PTPRN2: variants seen among roughly 807,000 people sequenced by gnomAD.
PTPRN2 encodes the protein protein tyrosine phosphatase receptor type N2, also known as receptor-type tyrosine-protein phosphatase N2.
PTPRN2 carries 74 observed loss-of-function variants against 118.8 expected under a neutral mutation model. That is an observed-to-expected ratio of 0.62 (90% CI 0.52 to 0.76). The LOEUF (loss-of-function observed/expected upper bound fraction) is 0.76, where lower values mean the gene tolerates loss of function less well. PTPRN2 is among the 30% of genes least tolerant of loss of function. The pLI, the probability that PTPRN2 is intolerant of heterozygous loss-of-function variation, is 0.00. For missense variants in PTPRN2, 1,481 were observed against 1,394.4 expected (o/e 1.06, Z -0.99); for synonymous variants, 641 against 608.0 (o/e 1.05, Z -0.80).
rs567329334 is a variant in PTPRN2 at position 158,471,279 on chromosome 7, C to G, written c.163+18456G>C. Among the ~76,000 whole-genome samples, 47 of 152,274 alleles carry G rather than the reference C, an allele frequency of 3.1e-4. 1 individual carries two copies. The highest frequency in any genetic ancestry group is 1.1e-3 in the African/African-American group (46 of 41,564). The stretch of plus-strand genomic sequence containing the variant: ...GAGCCAGCTCCCCTCCCGCCTCCCC[C>G]TCCTATGGACCACGCCCACTGGACT... On this transcript the variant is annotated intron_variant, in intron 2 of 22. Coordinates refer to ENST00000389418, the MANE Select transcript of PTPRN2 (RefSeq NM_002847.5).
intron 10 of PTPRN2, 98 bp from the exon 11 acceptor site, chr7:158,081,475 G>T: frequency 4.1e-6 from 5 of 1,205,388 alleles, no homozygotes; most frequent in Non-Finnish European, 6.1e-6. Context: ...TTTTAAAAAC[G>T]CAAACATCCA....
chr7:157,966,399 T>C (rs924264036), intron 11 of PTPRN2, among the ~76,000 whole-genome samples: 6 of 151,832 alleles, frequency 4.0e-5, no homozygotes, highest in African/African-American at 1.5e-4. Flanking sequence ...TTCATCACTA[T>C]CACCATCATC....
chr7:157,656,611 G>A (rs975610478), intron 13 of PTPRN2, 60 bp from the exon 14 acceptor site: 22 of 1,408,780 alleles, frequency 1.6e-5, no homozygotes, highest in Admixed American at 2.0e-5. Context: ...CCAGCAGGAC[G>A]AGGGCCACGG....
At position 158,138,549 on chromosome 7, in the gene PTPRN2, G is replaced by A. The variant is rs764017286; in HGVS notation, c.911-34C>T. ...ACACACACAAACACAAGGACGTTGTGGGTGGACGAATGCAAAGGTGAGGGC... is the reference window on the plus strand; with the variant it reads ...ACACACACAAACACAAGGACGTTGTAGGTGGACGAATGCAAAGGTGAGGGC... On this transcript the variant is annotated intron_variant, in intron 6 of 22. Transcript: ENST00000389418. The A allele has an allele frequency of 1.2e-5, 19 of 1,590,226 alleles. No individual in the cohort carries two copies. In the Admixed American group the frequency reaches 3.0e-4, roughly 25 times the overall value.
intron 11 of PTPRN2, among the ~76,000 whole-genome samples, chr7:158,054,007 C>A (rs1408484095): frequency 1.4e-5 from 2 of 146,840 alleles, no homozygotes; most frequent in Non-Finnish European, 3.1e-5. Flanking sequence ...GATGCAGAGA[C>A]CCTAGAGACG....
chr7:158,523,665 G>C (rs1305101974), intron 1 of PTPRN2, among the ~76,000 whole-genome samples: 1 of 101,928 alleles, frequency 9.8e-6, no homozygotes, highest in African/African-American at 3.5e-5. Flanking sequence ...GAGTGGAGTC[G>C]TCTGCCCTGG....
intron 1 of PTPRN2, among the ~76,000 whole-genome samples, chr7:158,499,735 C>A (rs1052744357): frequency 6.6e-5 from 10 of 152,024 alleles, no homozygotes; most frequent in Non-Finnish European, 1.3e-4. Flanking sequence ...TGTGCCACTG[C>A]ACTCCAGCCT....
intron 3 of PTPRN2, among the ~76,000 whole-genome samples, chr7:158,242,682 A>T (rs547141699): frequency 6.6e-6 from 1 of 152,280 alleles, no homozygotes; most frequent in East Asian, 1.9e-4. Flanking sequence ...TTTGGCTGAG[A>T]CATTTTATTA....
intron 12 of PTPRN2, among the ~76,000 whole-genome samples, chr7:157,743,887 T>C (rs1800774248): frequency 2.0e-5 from 3 of 152,226 alleles, no homozygotes; most frequent in African/African-American, 7.2e-5. Flanking sequence ...GCTGTGAAAG[T>C]GCTGCCCCAT....
rs1206905688 is a variant in PTPRN2 at position 158,356,786 on chromosome 7, C to CT, written c.164-39855dup. On this transcript the variant is annotated intron_variant, in intron 2 of 22. Coordinates refer to ENST00000389418, the MANE Select transcript of PTPRN2 (RefSeq NM_002847.5). ...ATAACAAAGCAAAAGGTGAAAAGAG[C>CT]TAAAAAAAAAAAAGTAGAAATAATT... is the stretch of plus-strand genomic sequence containing the variant. Among the ~76,000 whole-genome samples the CT allele has an allele frequency of 3.0e-3, 52 of 17,388 alleles. No individual in the cohort carries two copies. In the South Asian group the frequency reaches 0.078, roughly 26 times the overall value. The allele number at this position is 17,388 out of a possible 152,430, so 11.4% of individuals were successfully genotyped here.
chr7:158,047,479 GTGTGAGGCCTGCCTGCAGTCACTGAGCA>G (rs1467076852), intron 11 of PTPRN2, among the ~76,000 whole-genome samples: 4 of 152,078 alleles, frequency 2.6e-5, no homozygotes, highest in South Asian at 2.1e-4. Flanking sequence ...GTCACTGAGC[GTGTGAGGCCTGCCTGCAGTCACTGAGCA>G]TGTGAGGGCT....
At chr7:158,051,529 C>T (rs1809324626) in intron 11 of PTPRN2, among the ~76,000 whole-genome samples, 1 of 152,300 alleles carries the variant, frequency 6.6e-6, no homozygotes, top group African/African-American at 2.4e-5. Flanking sequence ...CAAAAGCAGG[C>T]CTTTTGCAGT....
rs948117547 is a variant in PTPRN2 at position 158,509,235 on chromosome 7, G to A, written c.113-19450C>T. On this transcript the variant is annotated intron_variant, in intron 1 of 22. Transcript: ENST00000389418. This position sits in a 1 kb window ranked among gnomAD's most constrained non-coding sequence, Gnocchi z 4.4. Reference sequence around the variant, plus strand: ...GCAGCTCACAGGGTCCTTGCTCAAAGGCGGCAGCAAATGCACCATCCACTT... The same window carrying A: ...GCAGCTCACAGGGTCCTTGCTCAAAAGCGGCAGCAAATGCACCATCCACTT... Among the ~76,000 whole-genome samples, 25 of 152,190 alleles carry A rather than the reference G, an allele frequency of 1.6e-4. 1 individual carries two copies. The highest frequency in any genetic ancestry group is 2.6e-4 in the Admixed American group (4 of 15,286).
intron 3 of PTPRN2, among the ~76,000 whole-genome samples, chr7:158,238,548 C>G (rs1425303688): frequency 2.6e-5 from 4 of 152,152 alleles, no homozygotes; most frequent in African/African-American, 9.7e-5. Context: ...TTTGTTGGAA[C>G]TTATTTTATT....
At chr7:157,924,342 C>A (rs377319266) in intron 11 of PTPRN2, among the ~76,000 whole-genome samples, 1 of 152,214 alleles carries the variant, frequency 6.6e-6, no homozygotes, top group Non-Finnish European at 1.5e-5. Context: ...GCTGAGGACG[C>A]CCCCTCTGAC....
At chr7:158,044,375 C>T (rs1808688577) in intron 11 of PTPRN2, among the ~76,000 whole-genome samples, 1 of 152,142 alleles carries the variant, frequency 6.6e-6, no homozygotes, top group Non-Finnish European at 1.5e-5. Context: ...GACTCTGGGG[C>T]CCCTTCTCCC....
intron 3 of PTPRN2, among the ~76,000 whole-genome samples, chr7:158,273,767 A>T (rs1278505068): frequency 1.8e-5 from 2 of 112,450 alleles, no homozygotes; most frequent in African/African-American, 7.0e-5. Context: ...CCACAGACAG[A>T]CATGGGAGGA....
Position 158,327,237 on chromosome 7 carries a change from CCA to C in PTPRN2, c.164-10307_164-10306del, listed in dbSNP as rs537945280. Among the ~76,000 whole-genome samples the C allele has an allele frequency of 1.5e-3, 227 of 149,606 alleles. 1 individual carries two copies. Among genetic ancestry groups the C allele is most frequent in the African/African-American group, 5.4e-3 (217 of 40,244 alleles). ...AACACACACGTAAACATTCTCATAT[CCA>C]CATACATGCACACATTCTCACATGC... On this transcript the variant is annotated intron_variant, in intron 2 of 22. Coordinates refer to ENST00000389418, the MANE Select transcript of PTPRN2 (RefSeq NM_002847.5).
At chr7:158,287,226 T>A (rs1393359099) in intron 3 of PTPRN2, among the ~76,000 whole-genome samples, 2 of 152,116 alleles carry the variant, frequency 1.3e-5, no homozygotes, top group Non-Finnish European at 2.9e-5. Flanking sequence ...TTTCTCTTTT[T>A]TCTTAGTCTA....
Sources: gnomAD v4.1 joint callset for allele counts (sites outside exome capture counted in the v4.1 genomes callset) on GRCh38, gnomAD v4.1.1 for gene constraint, Gnocchi (gnomAD v3.1) non-coding constraint, MANE v1.5 for transcripts, NCBI Gene and HGNC (gene_info 2026-07-23, HGNC 2026-07-21) for gene names.